Variants in PCSK2 observed in about 807,000 individuals in gnomAD.
The protein encoded by PCSK2 is proprotein convertase subtilisin/kexin type 2.
Under a neutral mutation model 69.7 loss-of-function variants are expected in PCSK2, and 14 were observed. That is an observed-to-expected ratio of 0.20 (90% CI 0.13 to 0.31). PCSK2 has a LOEUF of 0.31. PCSK2 is among the 10% of genes least tolerant of loss of function. The pLI is 1.00. For missense variants in PCSK2, 544 were observed against 842.5 expected, an observed-to-expected ratio of 0.65 and a Z score of 4.39; for synonymous variants, 307 against 320.7, an observed-to-expected ratio of 0.96 and a Z score of 0.46.
intron 1 of PCSK2, among the ~76,000 whole-genome samples, chr20:17,249,836 T>G (rs554985195): frequency 6.6e-6 from 1 of 151,658 alleles, no homozygotes; most frequent in African/African-American, 2.4e-5. Flanking sequence ...ATTCCAGGGC[T>G]GGGGGGGGAA....
intron 5 of PCSK2, among the ~76,000 whole-genome samples, chr20:17,403,710 G>C (rs1243622141): frequency 6.6e-6 from 1 of 152,230 alleles, no homozygotes; most frequent in Non-Finnish European, 1.5e-5. Context: ...GCGGTTTCTT[G>C]TTCTGAGTTC....
intron 1 of PCSK2, among the ~76,000 whole-genome samples, chr20:17,243,360 C>A (rs1986654032): frequency 6.6e-6 from 1 of 151,912 alleles, no homozygotes; most frequent in South Asian, 2.1e-4. Flanking sequence ...ACCACCTAAT[C>A]TGACTAGGTT....
At chr20:17,233,420 G>A (rs1297590206) in intron 1 of PCSK2, among the ~76,000 whole-genome samples, 1 of 152,156 alleles carries the variant, frequency 6.6e-6, no homozygotes, top group Non-Finnish European at 1.5e-5. Context: ...ATACTTGTGA[G>A]GGAGTGACAA....
intron 1 of PCSK2, among the ~76,000 whole-genome samples, chr20:17,229,249 G>A (rs938634469): frequency 2.0e-5 from 3 of 151,822 alleles, no homozygotes; most frequent in African/African-American, 7.3e-5. Flanking sequence ...ACAGGCAAGG[G>A]CTTCAATCCA....
intron 5 of PCSK2, among the ~76,000 whole-genome samples, chr20:17,376,699 A>C (rs1276663281): frequency 6.6e-6 from 1 of 152,226 alleles, no homozygotes; most frequent in Non-Finnish European, 1.5e-5. Flanking sequence ...TCAATCATTC[A>C]TTCATTCAAC....
intron 11 of PCSK2, among the ~76,000 whole-genome samples, chr20:17,470,200 C>A (rs1045396858): frequency 2.0e-5 from 3 of 152,328 alleles, no homozygotes; most frequent in African/African-American, 7.2e-5. Context: ...CAGTGACTTT[C>A]TGCAGTGGTG....
chr20:17,372,062 T>C (rs1039214601), intron 5 of PCSK2, among the ~76,000 whole-genome samples: 1 of 152,196 alleles, frequency 6.6e-6, no homozygotes, highest in African/African-American at 2.4e-5. Flanking sequence ...TTCTCACCAA[T>C]GGGTGGTAAC....
intron 4 of PCSK2, among the ~76,000 whole-genome samples, chr20:17,368,577 C>A (rs1293993627): frequency 6.6e-6 from 1 of 152,180 alleles, no homozygotes; most frequent in Non-Finnish European, 1.5e-5. Context: ...TTGATGCTTT[C>A]TGAGGTCCAA....
chr20:17,385,727 G>A (rs1051869974), intron 5 of PCSK2, among the ~76,000 whole-genome samples: 1 of 152,162 alleles, frequency 6.6e-6, no homozygotes, highest in Non-Finnish European at 1.5e-5. Context: ...GGAAGCACAG[G>A]TAGGGGAGCA....
At chr20:17,406,080 G>A (rs1026066570) in intron 5 of PCSK2, among the ~76,000 whole-genome samples, 5 of 152,188 alleles carry the variant, frequency 3.3e-5, no homozygotes, top group Non-Finnish European at 7.3e-5. Context: ...CATCTGGCAA[G>A]CCTCGGTGAC....
intron 2 of PCSK2, among the ~76,000 whole-genome samples, chr20:17,329,873 A>C (rs1449918832): frequency 6.6e-6 from 1 of 152,172 alleles, no homozygotes; most frequent in Non-Finnish European, 1.5e-5. Flanking sequence ...CCCCTCTTTC[A>C]TCTCCACACC....
At position 17,308,082 on chromosome 20, in the gene PCSK2, C is replaced by T. The variant is rs2424064; in HGVS notation, c.282+47738C>T. Among the ~76,000 whole-genome samples the T allele has an allele frequency of 4.2e-3, 550 of 129,548 alleles. 2 individuals carry two copies. Among genetic ancestry groups the T allele is most frequent in the African/African-American group, 7.8e-3 (261 of 33,612 alleles). The allele number at this position is 129,548 out of a possible 152,430, so 85.0% of individuals were successfully genotyped here. A position where few individuals can be genotyped will look rare whatever the true frequency, so the allele number is the denominator to read the frequency against. ...CAAGAACTCATTCACGGGGAGCAGGCATCTTCCATGGCAGGAGCAGGAGCA... is the reference window on the plus strand; with the variant it reads ...CAAGAACTCATTCACGGGGAGCAGGTATCTTCCATGGCAGGAGCAGGAGCA... On this transcript the variant is annotated intron_variant, in intron 2 of 11. Coordinates refer to ENST00000262545, the MANE Select transcript of PCSK2 (RefSeq NM_002594.5).
rs181650386 is a variant in PCSK2 at position 17,295,368 on chromosome 20, A to C, written c.282+35024A>C. On this transcript the variant is annotated intron_variant, in intron 2 of 11. Transcript: ENST00000262545. ...GACAGTCTGATTCAGAGCCAGGAAC[A>C]CTCTACCACCGTGCAATACCAGCAT... 3.2e-4 allele frequency among the ~76,000 whole-genome samples: 49 copies of C among 151,776 alleles called. No homozygotes were observed. In the East Asian group the frequency reaches 7.7e-3, roughly 24 times the overall value.
intron 7 of PCSK2, among the ~76,000 whole-genome samples, chr20:17,436,477 G>C (rs555421332): frequency 5.3e-5 from 8 of 152,332 alleles, no homozygotes; most frequent in Non-Finnish European, 1.0e-4. Flanking sequence ...TTTGCTAGGG[G>C]AATAAAATTG....
chr20:17,467,086 C>T (rs1015191522), intron 11 of PCSK2, among the ~76,000 whole-genome samples: 1 of 152,216 alleles, frequency 6.6e-6, no homozygotes, highest in Non-Finnish European at 1.5e-5. Flanking sequence ...AGTCCAACCC[C>T]TCTCAGACTT....
intron 2 of PCSK2, among the ~76,000 whole-genome samples, chr20:17,280,124 A>G (rs1017114806): frequency 1.3e-5 from 2 of 152,212 alleles, no homozygotes; most frequent in African/African-American, 4.8e-5. Flanking sequence ...ATATGGAAAT[A>G]GAGAGTTTAA....
Position 17,392,901 on chromosome 20 carries a change from T to C in PCSK2, c.544-16362T>C, listed in dbSNP as rs556748149. 2.2e-4 allele frequency among the ~76,000 whole-genome samples: 33 copies of C among 152,302 alleles called. 1 individual carries two copies. The highest frequency in any genetic ancestry group is 4.1e-4 in the Non-Finnish European group (28 of 68,018). On this transcript the variant is annotated intron_variant, in intron 5 of 11. Transcript: ENST00000262545. ...ATATACATCTACACACAGATTTTTG[T>C]ATAGAATTTAGATGTCCTCTGTCTT...
intron 11 of PCSK2, among the ~76,000 whole-genome samples, chr20:17,466,868 G>A (rs768175895): frequency 1.5e-4 from 23 of 152,048 alleles, no homozygotes; most frequent in Non-Finnish European, 3.1e-4. Flanking sequence ...CTGTAGATTC[G>A]TTTCACCAGT....
intron 2 of PCSK2, among the ~76,000 whole-genome samples, chr20:17,303,171 T>C (rs1045547350): frequency 1.4e-5 from 2 of 144,808 alleles, no homozygotes; most frequent in Non-Finnish European, 3.0e-5. Context: ...GATTTAAAAA[T>C]ATATACATAT....
Sources: allele counts gnomAD v4.1 joint callset (sites outside exome capture counted in the v4.1 genomes callset), GRCh38; gene constraint gnomAD v4.1.1; transcripts MANE v1.5; gene names NCBI Gene and HGNC (gene_info 2026-07-23, HGNC 2026-07-21).